Variants in PGM3 observed in about 807,000 individuals in gnomAD.
PGM3 encodes the protein phosphoacetylglucosamine mutase.
In PGM3, 40 loss-of-function variants were observed where a neutral mutation model predicts 66.2. That is an observed-to-expected ratio of 0.60 (90% CI 0.47 to 0.79). PGM3 has a LOEUF of 0.79. Ranked by LOEUF, PGM3 falls within the 30% of genes least tolerant of loss-of-function variation. The probability of loss-of-function intolerance (pLI) is 0.00; values close to 1 mark genes in which losing one functional copy is unlikely to be tolerated. For synonymous variants in PGM3, 191 were observed against 224.2 expected (o/e 0.85, Z 1.32); for missense variants, 537 against 643.4 (o/e 0.83, Z 1.79).
At chr6:83,149,010 C>A in the PGM3 span, 2 of 478,058 alleles carry the variant, frequency 4.2e-6, no homozygotes, top group Non-Finnish European at 7.0e-6. Flanking sequence ...ATGTATAAGG[C>A]CTGTTTAAGA....
Position 83,165,075 on chromosome 6 carries a change from G to A in PGM3, c.*4159C>T. 1 of 179,482 alleles carries A rather than the reference G, an allele frequency of 5.6e-6. No homozygotes were observed. The highest frequency in any genetic ancestry group is 1.2e-5 in the Non-Finnish European group (1 of 85,504). The allele number at this position is 179,482 out of a possible 1,614,324, so 11.1% of individuals were successfully genotyped here. A position where few individuals can be genotyped will look rare whatever the true frequency, so the allele number is the denominator to read the frequency against. The stretch of plus-strand genomic sequence containing the variant: ...ACATTTGGAAGTTAGCTATATAGAG[G>A]GTACAAGGATATTCATTTTCCTTCA... On this transcript the variant is annotated 3_prime_UTR_variant, in exon 13 of 13. Coordinates refer to ENST00000513973, the MANE Select transcript of PGM3 (RefSeq NM_015599.3).
rs1332056867 is a variant in PGM3, at chr6:83,166,957, G to C, written c.*2277C>G. On this transcript the variant is annotated 3_prime_UTR_variant, in exon 13 of 13. Transcript: ENST00000513973. The stretch of plus-strand genomic sequence containing the variant: ...TATTTTCATTCTTTAGTGTGGAATT[G>C]TATCTGTGATTCTGCCCAAGTTCAA... 2.0e-6 allele frequency: 2 copies of C among 986,056 alleles called. No individual in the cohort carries two copies. Among genetic ancestry groups the C allele is most frequent in the Non-Finnish European group, 2.4e-6 (2 of 830,584 alleles). The allele number at this position is 986,056 out of a possible 1,614,324, so 61.1% of individuals were successfully genotyped here.
chr6:83,175,816 C>G, intron 9 of PGM3, 146 bp downstream of exon 9: 1 of 555,514 alleles, frequency 1.8e-6, no homozygotes, highest in Non-Finnish European at 3.3e-6. Flanking sequence ...CATAATACAT[C>G]AATATATAAG....
In PGM3 at chr6:83,179,796, TC is replaced by T; in HGVS notation, c.945+13del. 3 of 1,595,354 alleles carry T rather than the reference TC, an allele frequency of 1.9e-6. No homozygotes were observed. The highest frequency in any genetic ancestry group is 2.6e-6 in the Non-Finnish European group (3 of 1,169,788). ...AAGTCTTGTTTTAGAGGGTAGCCAATCCCCCCACCATACCTCCACCAGGAGC... is the reference window on the plus strand; with the variant it reads ...AAGTCTTGTTTTAGAGGGTAGCCAATCCCCCACCATACCTCCACCAGGAGC... On this transcript the variant is annotated intron_variant, in intron 7 of 12. Coordinates refer to ENST00000513973, the MANE Select transcript of PGM3 (RefSeq NM_015599.3).
At position 83,182,869 on chromosome 6, in the gene PGM3, C is replaced by T. The variant is rs754467402; in HGVS notation, c.567G>A (p.Lys189=). ...CCTGTTTGGTGAGTTCCACAAAAGC[C>T]TTAGAGAGTTTCTGGTAGTAACCTT... The part of the protein sequence containing the change: ...TIEGYYQKLS[K]AFVELTKQAS... The change falls in exon 5 of 13, where the codon AAG becomes AAA. Residue 189 remains lysine, a synonymous_variant. Coordinates refer to ENST00000513973, the MANE Select transcript of PGM3 (RefSeq NM_015599.3). 5.6e-6 allele frequency: 9 copies of T among 1,613,898 alleles called. No individual in the cohort carries two copies. Among genetic ancestry groups the T allele is most frequent in the Non-Finnish European group, 7.6e-6 (9 of 1,179,946 alleles).
At chr6:83,169,589 A>AG (rs1217349346) in intron 12 of PGM3, 1 of 472,778 alleles carries the variant, frequency 2.1e-6, no homozygotes, top group Non-Finnish European at 3.9e-6. Context: ...ACAACTGAAA[A>AG]AATTCAATAA....
chr6:83,154,670 T>A, the PGM3 span, among the ~76,000 whole-genome samples: 1 of 152,068 alleles, frequency 6.6e-6, no homozygotes, highest in East Asian at 1.9e-4. Context: ...TTTAAATCTC[T>A]GGGGCTCTGT....
rs919950219 is a variant in PGM3 at position 83,168,104 on chromosome 6, A to C, written c.*1130T>G. 1.9e-6 allele frequency: 3 copies of C among 1,614,150 alleles called. No homozygotes were observed. Among genetic ancestry groups the C allele is most frequent in the Non-Finnish European group, 2.5e-6 (3 of 1,180,012 alleles). The stretch of plus-strand genomic sequence containing the variant: ...AGAACCACAAACCATGTTCCAGCAA[A>C]GCCAGGCAAAAAATAGAAGAGATGG... On this transcript the variant is annotated 3_prime_UTR_variant, in exon 13 of 13. Coordinates refer to ENST00000513973, the MANE Select transcript of PGM3 (RefSeq NM_015599.3).
At chr6:83,189,269 C>T (rs889947431) in intron 2 of PGM3, among the ~76,000 whole-genome samples, 2 of 152,134 alleles carry the variant, frequency 1.3e-5, no homozygotes, top group African/African-American at 4.8e-5. Flanking sequence ...ACTCGGAACT[C>T]CAAGAACACA....
intron 9 of PGM3, 139 bp from the exon 10 acceptor site, chr6:83,174,626 G>T: frequency 1.9e-6 from 1 of 532,544 alleles, no homozygotes. Context: ...GCCTTAAAAT[G>T]TATGAAATTA....
intron 5 of PGM3, among the ~76,000 whole-genome samples, chr6:83,182,316 C>A (rs542104231): frequency 1.3e-5 from 2 of 152,292 alleles, no homozygotes; most frequent in Admixed American, 6.5e-5. Context: ...CATCATCAGG[C>A]AGATTTGTTT....
At chr6:83,186,499 G>A (rs1788591813) in intron 4 of PGM3, among the ~76,000 whole-genome samples, 1 of 152,190 alleles carries the variant, frequency 6.6e-6, no homozygotes, top group African/African-American at 2.4e-5. Flanking sequence ...GGTGGAGGCA[G>A]TGCCTTCACA....
chr6:83,155,754 T>C, the PGM3 span, among the ~76,000 whole-genome samples: 1 of 152,246 alleles, frequency 6.6e-6, no homozygotes, highest in Non-Finnish European at 1.5e-5. Flanking sequence ...CCATCACAAT[T>C]CCTACCATTT....
chr6:83,182,935 A>G lies in PGM3; in HGVS notation c.501T>C (p.Tyr167=), dbSNP rs1232828335. ...CATATCGGCCACCCGTGTTTCGACA[A>G]TACACCATGTAGTGCAGCTGGGGTG... ...LTTPQLHYMV[Y]CRNTGGRYGK... The change falls in exon 5 of 13, where the codon TAT becomes TAC. Residue 167 remains tyrosine (Y), a synonymous_variant. Transcript: ENST00000513973. 1.2e-6 allele frequency: 2 copies of G among 1,613,954 alleles called. No homozygotes were observed. Among genetic ancestry groups the G allele is most frequent in the East Asian group, 2.2e-5 (1 of 44,890 alleles).
the PGM3 span, chr6:83,152,067 G>A: frequency 1.2e-6 from 2 of 1,607,296 alleles, no homozygotes; most frequent in South Asian, 2.2e-5. Flanking sequence ...TCTGTAAGCA[G>A]GCATATATTT....
In PGM3 at chr6:83,166,724, T is replaced by C. The variant is rs775441010; in HGVS notation, c.*2510A>G. ...CAGGATTTTACTTTAAAATAAGCAA[T>C]AAGCTTGAGAGCACATAGAAGAAAA... On this transcript the variant is annotated 3_prime_UTR_variant, in exon 13 of 13. Transcript: ENST00000513973. The C allele has an allele frequency of 1.9e-4, 226 of 1,198,010 alleles. No homozygotes were observed. The highest frequency in any genetic ancestry group is 2.3e-4 in the Non-Finnish European group (218 of 966,222). 74.2% of individuals were successfully genotyped at this position (1,198,010 alleles called of 1,614,324 possible). A position where few individuals can be genotyped will look rare whatever the true frequency, so the allele number is the denominator to read the frequency against.
downstream of PGM3, chr6:83,156,172 T>TA: frequency 7.7e-7 from 1 of 1,298,260 alleles, no homozygotes; most frequent in Non-Finnish European, 1.1e-6. Flanking sequence ...AATACTTCTC[T>TA]AAATACTAAG....
At chr6:83,178,612 C>G (rs1787948423) in intron 8 of PGM3, 61 bp downstream of exon 8, 1 of 918,320 alleles carries the variant, frequency 1.1e-6, no homozygotes, top group African/African-American at 1.6e-5. Context: ...AGGGCAGTAT[C>G]TTTCTCACAG....
the PGM3 span, among the ~76,000 whole-genome samples, chr6:83,155,292 G>C: frequency 7.0e-6 from 1 of 143,322 alleles, no homozygotes; most frequent in Non-Finnish European, 1.5e-5. Flanking sequence ...CGAGACCCCA[G>C]CTCTACAAAA....
Sources: allele counts gnomAD v4.1 joint callset (sites outside exome capture counted in the v4.1 genomes callset), GRCh38; gene constraint gnomAD v4.1.1; transcripts MANE v1.5; gene names NCBI Gene and HGNC (gene_info 2026-07-23, HGNC 2026-07-21).